CD36: variants seen among roughly 807,000 people sequenced by gnomAD.
The protein encoded by CD36 is CD36 molecule (CD36 blood group).
CD36 carries 119 observed loss-of-function variants against 55.2 expected under a neutral mutation model. The observed-to-expected ratio is 2.15, with a 90% CI of 1.86 to 2.51. The LOEUF (loss-of-function observed/expected upper bound fraction) is 2.51, where lower values mean the gene tolerates loss of function less well. CD36 is among the 30% of genes most tolerant of loss of function. The pLI is 0.00. For missense variants in CD36, 819 were observed against 555.5 expected (o/e 1.47, Z -4.77); for synonymous variants, 186 against 193.6 (o/e 0.96, Z 0.33).
At chr7:80,646,621 C>T (rs993327536) in intron 2 of CD36, 31 bp from the exon 3 acceptor site, 6 of 1,205,118 alleles carry the variant, frequency 5.0e-6, no homozygotes, top group Non-Finnish European at 7.4e-6. Context: ...GATATTTAAG[C>T]TTCTGTTTTA....
intron 7 of CD36, among the ~76,000 whole-genome samples, chr7:80,665,203 T>C (rs997459475): frequency 2.0e-5 from 3 of 152,030 alleles, no homozygotes; most frequent in African/African-American, 7.2e-5. Context: ...TATTTCCTTT[T>C]TTTTTTTCTA....
chr7:80,643,142 A>G (rs138836378), intron 1 of CD36, among the ~76,000 whole-genome samples: 3 of 151,950 alleles, frequency 2.0e-5, no homozygotes, highest in African/African-American at 7.2e-5. Flanking sequence ...TACTGTTGGA[A>G]CTCTTTACCC....
intron 1 of CD36, among the ~76,000 whole-genome samples, chr7:80,623,686 A>G (rs895352667): frequency 2.0e-5 from 3 of 152,132 alleles, no homozygotes; most frequent in South Asian, 2.1e-4. Context: ...GCTTTCCACA[A>G]ACTGGAATAT....
At chr7:80,670,199 T>A in intron 9 of CD36, 177 bp downstream of exon 9, 1 of 598,742 alleles carries the variant, frequency 1.7e-6, no homozygotes, top group East Asian at 2.8e-5. Context: ...TTTTTGCCAT[T>A]TCTATCTAAG....
At chr7:80,670,927 G>A in intron 9 of CD36, 50 bp from the exon 10 acceptor site, 1 of 1,238,592 alleles carries the variant, frequency 8.1e-7, no homozygotes, top group Non-Finnish European at 1.2e-6. Context: ...TGAATCTCCA[G>A]AATGTAAGTT....
intron 3 of CD36, among the ~76,000 whole-genome samples, chr7:80,654,502 C>G (rs899178021): frequency 1.3e-5 from 2 of 152,114 alleles, no homozygotes; most frequent in African/African-American, 4.8e-5. Context: ...GAGAAATCAA[C>G]CGTTTTCAGC....
At chr7:80,672,115 A>G in intron 11 of CD36, 75 bp downstream of exon 11, 1 of 1,163,708 alleles carries the variant, frequency 8.6e-7, no homozygotes, top group Non-Finnish European at 1.3e-6. Context: ...AATCTTGTCG[A>G]TGATTATTTA....
At chr7:80,651,665 C>T (rs1407906415) in intron 3 of CD36, among the ~76,000 whole-genome samples, 3 of 151,990 alleles carry the variant, frequency 2.0e-5, no homozygotes, top group African/African-American at 7.2e-5. Flanking sequence ...CCTAGTACTT[C>T]GGGAGGCTGA....
chr7:80,635,047 A>C (rs1176307349), upstream of CD36, among the ~76,000 whole-genome samples: 1 of 152,174 alleles, frequency 6.6e-6, no homozygotes, highest in African/African-American at 2.4e-5. Flanking sequence ...ATATTGTTAC[A>C]AATGTTTTAA....
intron 1 of CD36, among the ~76,000 whole-genome samples, chr7:80,642,817 T>G (rs1017790628): frequency 1.3e-5 from 2 of 152,176 alleles, no homozygotes; most frequent in African/African-American, 4.8e-5. Context: ...GAAGTTTTGT[T>G]AGATTAATAC....
chr7:80,610,723 C>A (rs529173273), intron 1 of CD36, among the ~76,000 whole-genome samples: 1 of 151,952 alleles, frequency 6.6e-6, no homozygotes, highest in African/African-American at 2.4e-5. Context: ...TACAGGCGCC[C>A]GCCACCACGC....
intron 13 of CD36, 45 bp downstream of exon 13, chr7:80,673,454 A>T: frequency 9.3e-7 from 1 of 1,079,088 alleles, no homozygotes; most frequent in Non-Finnish European, 1.4e-6. Context: ...CCTTCTTTGT[A>T]TATAAACAAG....
chr7:80,635,531 TC>T (rs1255813310), upstream of CD36, among the ~76,000 whole-genome samples: 2 of 152,102 alleles, frequency 1.3e-5, no homozygotes, highest in Non-Finnish European at 2.9e-5. Flanking sequence ...CACCTCAGCC[TC>T]CCAAAGTGCT....
chr7:80,672,181 G>A (rs1797751900), intron 11 of CD36, 141 bp downstream of exon 11: 2 of 698,048 alleles, frequency 2.9e-6, no homozygotes, highest in East Asian at 2.9e-5. Flanking sequence ...TGAAACTTAG[G>A]TCGATTTCTT....
intron 12 of CD36, 162 bp from the exon 13 acceptor site, chr7:80,673,191 AAG>A (rs1440304652): frequency 1.9e-6 from 1 of 535,018 alleles, no homozygotes; most frequent in African/African-American, 1.9e-5. Context: ...GAAGACATAT[AAG>A]AGCAAAGGAA....
At chr7:80,673,922 G>A in intron 13 of CD36, 61 bp from the exon 14 acceptor site, 1 of 1,261,710 alleles carries the variant, frequency 7.9e-7, no homozygotes, top group Non-Finnish European at 1.2e-6. Context: ...ATAGGCAATT[G>A]AAGGGTTTAT....
rs895097390 is a variant in CD36, at chr7:80,661,226, A to G, written c.429+16A>G. Reference sequence around the variant, plus strand: ...GGCTGTGGCAGTGAGTAGACAAACAACAAAGTTATCTATTTTAAAATACTC... The same window carrying G: ...GGCTGTGGCAGTGAGTAGACAAACAGCAAAGTTATCTATTTTAAAATACTC... On this transcript the variant is annotated intron_variant, in intron 5 of 14. Transcript: ENST00000447544. 1 of 1,610,494 alleles carries G rather than the reference A, an allele frequency of 6.2e-7. No homozygotes were observed. Among genetic ancestry groups the G allele is most frequent in the Admixed American group, 1.7e-5 (1 of 59,996 alleles).
intron 14 of CD36, 72 bp downstream of exon 14, chr7:80,674,219 A>C: frequency 9.1e-7 from 1 of 1,102,100 alleles, no homozygotes; most frequent in Non-Finnish European, 1.4e-6. Flanking sequence ...TTTATCAAAG[A>C]GAAGTTACAT....
chr7:80,670,918 G>A, intron 9 of CD36, 59 bp from the exon 10 acceptor site: 1 of 1,129,304 alleles, frequency 8.9e-7, no homozygotes, highest in South Asian at 1.3e-5. Flanking sequence ...AAGAAAAAAT[G>A]AATCTCCAGA....
Sources: gnomAD v4.1 joint callset for allele counts (sites outside exome capture counted in the v4.1 genomes callset) on GRCh38, gnomAD v4.1.1 for gene constraint, MANE v1.5 for transcripts, NCBI Gene and HGNC (gene_info 2026-07-23, HGNC 2026-07-21) for gene names.